CEP112: variants seen among roughly 807,000 people sequenced by gnomAD.
The protein encoded by CEP112 is centrosomal protein of 112 kDa.
Under a neutral mutation model 153.0 loss-of-function variants are expected in CEP112, and 127 were observed. The ratio of observed to expected loss-of-function variants is 0.83; its 90% confidence interval spans 0.72 to 0.96. CEP112 has a LOEUF of 0.96. CEP112 is among the 40% of genes least tolerant of loss of function. The pLI is 0.00. For synonymous variants in CEP112, 358 were observed against 374.4 expected (o/e 0.96, Z 0.51); for missense variants, 1,089 against 1,101.2 (o/e 0.99, Z 0.16).
chr17:65,636,066 G>T lies in CEP112; in HGVS notation c.2865-92C>A, dbSNP rs1260132917. 2.2e-5 allele frequency: 27 copies of T among 1,219,360 alleles called. No homozygotes were observed. The Admixed American group carries it at 3.2e-4, about 15-fold the overall frequency. The allele number at this position is 1,219,360 out of a possible 1,614,324, so 75.5% of individuals were successfully genotyped here. ...CTTCAATTCTGGAGAAGTTGATAGG[G>T]GTTGAAAAGGCTATTTGATATCAAA... is the stretch of plus-strand genomic sequence containing the variant. On this transcript the variant is annotated intron_variant, in intron 26 of 26. Coordinates refer to ENST00000535342, the MANE Select transcript of CEP112 (RefSeq NM_001199165.4).
At chr17:65,976,300 A>C (rs1418998713) in intron 17 of CEP112, among the ~76,000 whole-genome samples, 3 of 152,248 alleles carry the variant, frequency 2.0e-5, no homozygotes, top group African/African-American at 7.2e-5. Context: ...GGATTCTTCT[A>C]TCTTCCTGAA....
chr17:65,886,343 G>A (rs768026954), intron 20 of CEP112, among the ~76,000 whole-genome samples: 4 of 152,162 alleles, frequency 2.6e-5, no homozygotes, highest in Non-Finnish European at 5.9e-5. Context: ...TGCCAGAGAG[G>A]TGAAGCAGCT....
At chr17:66,135,754 C>T (rs1266856698) in intron 4 of CEP112, among the ~76,000 whole-genome samples, 1 of 152,036 alleles carries the variant, frequency 6.6e-6, no homozygotes, top group Non-Finnish European at 1.5e-5. Flanking sequence ...TTCACAAACA[C>T]TCTCAAAGTA....
At chr17:65,802,578 C>T (rs529090512) in intron 21 of CEP112, among the ~76,000 whole-genome samples, 1 of 152,138 alleles carries the variant, frequency 6.6e-6, no homozygotes, top group Non-Finnish European at 1.5e-5. Context: ...CCTTTATCTT[C>T]AATTCTTCAC....
intron 24 of CEP112, among the ~76,000 whole-genome samples, chr17:65,644,107 A>G (rs1235461608): frequency 6.6e-6 from 1 of 152,180 alleles, no homozygotes; most frequent in Non-Finnish European, 1.5e-5. Flanking sequence ...AACAGTCTCT[A>G]GAAGGGGCAG....
intron 12 of CEP112, among the ~76,000 whole-genome samples, chr17:66,040,014 A>C (rs781088317): frequency 1.3e-5 from 2 of 151,726 alleles, no homozygotes; most frequent in Non-Finnish European, 2.9e-5. Context: ...GGCTATGAAA[A>C]CTCTCATACA....
At chr17:65,737,121 A>G (rs1342239828) in intron 23 of CEP112, among the ~76,000 whole-genome samples, 1 of 152,236 alleles carries the variant, frequency 6.6e-6, no homozygotes, top group African/African-American at 2.4e-5. Context: ...ACTTCTCAAG[A>G]TTAGATAGTA....
intron 24 of CEP112, among the ~76,000 whole-genome samples, chr17:65,650,980 T>C (rs1198478616): frequency 6.6e-6 from 1 of 152,064 alleles, no homozygotes; most frequent in Non-Finnish European, 1.5e-5. Context: ...AGGTGGTATT[T>C]GGTTACATGG....
chr17:65,659,474 G>C (rs904176371), intron 24 of CEP112, among the ~76,000 whole-genome samples: 1 of 152,142 alleles, frequency 6.6e-6, no homozygotes, highest in Non-Finnish European at 1.5e-5. Flanking sequence ...GAAGACAAAG[G>C]CAGCCGTTGT....
intron 6 of CEP112, among the ~76,000 whole-genome samples, chr17:66,097,914 A>G (rs944188771): frequency 6.6e-6 from 1 of 152,182 alleles, no homozygotes; most frequent in African/African-American, 2.4e-5. Context: ...ACAAACTATC[A>G]CTTCAACCTA....
chr17:65,640,354 G>A (rs1413595611), intron 25 of CEP112, among the ~76,000 whole-genome samples: 3 of 150,852 alleles, frequency 2.0e-5, no homozygotes, highest in South Asian at 4.2e-4. Flanking sequence ...GGATTTTGCC[G>A]TGTTGGCCAG....
rs528000223 is a variant in CEP112, at chr17:65,652,742, T to C, written c.2698-11677A>G. The stretch of plus-strand genomic sequence containing the variant: ...TTTTAAATGAATTTATATTTTATAA[T>C]TCAAAACAATCTATATATATTTGAA... On this transcript the variant is annotated intron_variant, in intron 24 of 26. Coordinates refer to ENST00000535342, the MANE Select transcript of CEP112 (RefSeq NM_001199165.4). Among the ~76,000 whole-genome samples the C allele has an allele frequency of 2.0e-5, 3 of 152,346 alleles. No individual in the cohort carries two copies. In the East Asian group the frequency reaches 5.8e-4, roughly 29 times the overall value.
intron 22 of CEP112, among the ~76,000 whole-genome samples, chr17:65,745,984 C>A (rs952149421): frequency 4.0e-5 from 6 of 151,490 alleles, no homozygotes; most frequent in African/African-American, 1.5e-4. Context: ...GCCAACATGG[C>A]GAAACCCCGT....
intron 21 of CEP112, among the ~76,000 whole-genome samples, chr17:65,795,680 T>TGC (rs2054870465): frequency 6.6e-6 from 1 of 151,952 alleles, no homozygotes; most frequent in Admixed American, 6.6e-5. Context: ...GGCATGGTGG[T>TGC]GCGCACCTGT....
chr17:66,183,394 G>A (rs2072797563), intron 1 of CEP112, 87 bp from the exon 2 acceptor site: 3 of 852,330 alleles, frequency 3.5e-6, no homozygotes, highest in African/African-American at 3.4e-5. Context: ...AAACTCTTAA[G>A]TGTTAGATAT....
At chr17:65,688,846 C>T (rs987842471) in intron 24 of CEP112, 11 of 275,824 alleles carry the variant, frequency 4.0e-5, no homozygotes, top group Admixed American at 1.0e-4. Context: ...CGGCTCACTG[C>T]AACCTCTGCC....
chr17:65,677,923 TAAA>T (rs944311332), intron 24 of CEP112, among the ~76,000 whole-genome samples: 2 of 152,030 alleles, frequency 1.3e-5, no homozygotes, highest in African/African-American at 4.8e-5. Flanking sequence ...CCAAAAAAGA[TAAA>T]TAAATAAATA....
At chr17:65,906,289 G>A (rs1374200182) in intron 19 of CEP112, among the ~76,000 whole-genome samples, 1 of 151,934 alleles carries the variant, frequency 6.6e-6, no homozygotes, top group Non-Finnish European at 1.5e-5. Context: ...ACTAGGGGAG[G>A]GATAGCATTA....
chr17:65,912,228 T>G (rs1371447357), intron 19 of CEP112, among the ~76,000 whole-genome samples: 1 of 152,092 alleles, frequency 6.6e-6, no homozygotes, highest in African/African-American at 2.4e-5. Flanking sequence ...TCACCACAGA[T>G]CCCTGCAGGG....
Sources: gnomAD v4.1 joint callset for allele counts (sites outside exome capture counted in the v4.1 genomes callset) on GRCh38, gnomAD v4.1.1 for gene constraint, MANE v1.5 for transcripts, NCBI Gene and HGNC (gene_info 2026-07-23, HGNC 2026-07-21) for gene names.